Variants in KCNC1 observed in about 807,000 individuals in gnomAD.
The protein encoded by KCNC1 is potassium voltage-gated channel subfamily C member 1.
A neutral mutation model predicts 43.4 loss-of-function variants in KCNC1; 8 were observed. The observed-to-expected ratio is 0.18, with a 90% CI of 0.11 to 0.33. The LOEUF (loss-of-function observed/expected upper bound fraction) is 0.33. Ranked by LOEUF, KCNC1 falls within the 10% of genes least tolerant of loss-of-function variation. The pLI, the probability that KCNC1 is intolerant of heterozygous loss-of-function variation, is 1.00. For synonymous variants in KCNC1, 361 were observed against 360.5 expected, an observed-to-expected ratio of 1.00 and a Z score of -0.01; for missense variants, 420 against 836.0, an observed-to-expected ratio of 0.50 and a Z score of 6.14.
Position 17,771,891 on chromosome 11 carries a change from T to C in KCNC1, c.797T>C (p.Phe266Ser), listed in dbSNP as rs1362858407. ...TTCGAGTTCCTCATGCGTGTCATCTTCTGCCCCAACAAGGTAGAGTTCATC... is the reference window on the plus strand; with the variant it reads ...TTCGAGTTCCTCATGCGTGTCATCTCCTGCCCCAACAAGGTAGAGTTCATC... ...FTFEFLMRVI[F>S]CPNKVEFIKN... The change falls in exon 2 of 4, where the codon TTC (phenylalanine) becomes TCC (serine). Residue 266 changes from phenylalanine to serine, a missense_variant. By Grantham distance (155) the Phe-to-Ser change is radical (BLOSUM62 -2). Around this residue, in one of 5 missense-constraint regions of KCNC1, gnomAD observed 151 missense variants for 216.7 expected, o/e 0.70. Coordinates refer to ENST00000265969, the MANE Select transcript of KCNC1 (RefSeq NM_001112741.2). The surrounding 1 kb of genome is among the most constrained non-coding windows in gnomAD (Gnocchi z 4.7). 1 of 1,614,232 alleles carries C rather than the reference T, an allele frequency of 6.2e-7. No individual in the cohort carries two copies. The highest frequency in any genetic ancestry group is 8.5e-7 in the Non-Finnish European group (1 of 1,180,030).
chr11:17,780,902 T>C (rs982874260), intron 3 of KCNC1: 1 of 152,290 alleles, frequency 6.6e-6, no homozygotes, highest in Admixed American at 6.5e-5. Context: ...TGGTGCTGCA[T>C]GGCGGAGGGC....
chr11:17,775,217 T>G, intron 2 of KCNC1: 1 of 985,530 alleles, frequency 1.0e-6, no homozygotes, highest in Non-Finnish European at 1.2e-6. Context: ...AACCTGAGCT[T>G]CTCCAATTCC....
rs558662906 is a variant in KCNC1, at chr11:17,755,422, G to C, written c.571-16243G>C. On this transcript the variant is annotated intron_variant, in intron 1 of 3. Transcript: ENST00000265969. ...CAGTCCTAGCGCACCAGGAATGTTG[G>C]AACCTGGGAGACCAGTTAAGAGACT... 2.0e-5 allele frequency among the ~76,000 whole-genome samples: 3 copies of C among 152,222 alleles called. No homozygotes were observed. The South Asian group carries it at 6.2e-4, about 32-fold the overall frequency.
chr11:17,750,416 A>T (rs1001168842), intron 1 of KCNC1, among the ~76,000 whole-genome samples: 1 of 152,146 alleles, frequency 6.6e-6, no homozygotes, highest in Non-Finnish European at 1.5e-5. Context: ...GGTCAGAAAT[A>T]CCAGGCGCTG....
chr11:17,757,981 G>A (rs1849039779), intron 1 of KCNC1, among the ~76,000 whole-genome samples: 1 of 152,178 alleles, frequency 6.6e-6, no homozygotes, highest in Admixed American at 6.5e-5. Flanking sequence ...TGCATCAATT[G>A]ACTCTCCCTT....
chr11:17,750,548 G>C (rs1399802001), intron 1 of KCNC1, among the ~76,000 whole-genome samples: 1 of 152,140 alleles, frequency 6.6e-6, no homozygotes, highest in Admixed American at 6.5e-5. Context: ...AATCACAGTG[G>C]TTTGTGCTGG....
In KCNC1 at chr11:17,768,149, C is replaced by T. The variant is rs77899852; in HGVS notation, c.571-3516C>T. Among the ~76,000 whole-genome samples the T allele has an allele frequency of 5.7e-3, 869 of 152,276 alleles. 7 individuals carry two copies. Among genetic ancestry groups the T allele is most frequent in the African/African-American group, 0.019 (810 of 41,560 alleles). On this transcript the variant is annotated intron_variant, in intron 1 of 3. Transcript: ENST00000265969. ...CTCCCTGGGGTGCATTTAGAGACTCCTGGGGAACTCCCTTCAGTTGCTGTC... is the reference window on the plus strand; with the variant it reads ...CTCCCTGGGGTGCATTTAGAGACTCTTGGGGAACTCCCTTCAGTTGCTGTC...
At position 17,776,155 on chromosome 11, in the gene KCNC1, A is replaced by C. The variant is rs944137688; in HGVS notation, c.1505-3301A>C. 5 of 985,276 alleles carry C rather than the reference A, an allele frequency of 5.1e-6. No individual in the cohort carries two copies. In the African/African-American group the frequency reaches 8.7e-5, roughly 17 times the overall value. 61.0% of individuals were successfully genotyped at this position (985,276 alleles called of 1,614,324 possible). Reference sequence around the variant, plus strand: ...AATGAAGTGACGCCAGGGGCCAGGCATGGGTGTTCTTTTCCGTGTTGTTCA... The same window carrying C: ...AATGAAGTGACGCCAGGGGCCAGGCCTGGGTGTTCTTTTCCGTGTTGTTCA... On this transcript the variant is annotated intron_variant, in intron 2 of 3. Transcript: ENST00000265969. This position sits in a 1 kb window ranked among gnomAD's most constrained non-coding sequence, Gnocchi z 4.4.
At position 17,742,267 on chromosome 11, in the gene KCNC1, C is replaced by A. The variant is rs1164072074; in HGVS notation, c.570+5695C>A. Among the ~76,000 whole-genome samples the A allele has an allele frequency of 6.6e-6, 1 of 151,816 alleles. No homozygotes were observed. On this transcript the variant is annotated intron_variant, in intron 1 of 3. Transcript: ENST00000265969. The surrounding 1 kb of genome is among the most constrained non-coding windows in gnomAD (Gnocchi z 4.2). ...CTCTGAGCAGGAGGCCTGGCCTCTG[C>A]CAGAAGCTTTGGAGGGGATTGGCTG...
rs1204958053 is a variant in KCNC1 at position 17,735,171 on chromosome 11, T to A, written c.-832T>A. On this transcript the variant is annotated 5_prime_UTR_variant, in exon 1 of 4. Transcript: ENST00000265969. The surrounding 1 kb of genome is among the most constrained non-coding windows in gnomAD (Gnocchi z 6.7). ...GAGCGCAGCCCAGCGGAACCCCAGC[T>A]CGAGCCCGGGCTCACGGAGAGCAGC... 6.6e-6 allele frequency: 1 copy of A among 151,590 alleles called. No individual in the cohort carries two copies. The allele number at this position is 151,590 out of a possible 1,614,324, so 9.4% of individuals were successfully genotyped here.
At position 17,771,629 on chromosome 11, in the gene KCNC1, G is replaced by T; in HGVS notation, c.571-36G>T. 1 of 1,559,316 alleles carries T rather than the reference G, an allele frequency of 6.4e-7. No individual in the cohort carries two copies. The highest frequency in any genetic ancestry group is 8.7e-7 in the Non-Finnish European group (1 of 1,143,688). On this transcript the variant is annotated intron_variant, in intron 1 of 3. Coordinates refer to ENST00000265969, the MANE Select transcript of KCNC1 (RefSeq NM_001112741.2). The surrounding 1 kb of genome is among the most constrained non-coding windows in gnomAD (Gnocchi z 4.7). Reference sequence around the variant, plus strand: ...CAACCCAGGCTTCTCCACTCTGGGTGGGCCTCCCTCTGACACTGTGTCTTT... The same window carrying T: ...CAACCCAGGCTTCTCCACTCTGGGTTGGCCTCCCTCTGACACTGTGTCTTT...
chr11:17,781,973 G>A lies in KCNC1; in HGVS notation c.*239G>A, dbSNP rs1453951172. On this transcript the variant is annotated 3_prime_UTR_variant, in exon 4 of 4. Coordinates refer to ENST00000265969, the MANE Select transcript of KCNC1 (RefSeq NM_001112741.2). This position sits in a 1 kb window ranked among gnomAD's most constrained non-coding sequence, Gnocchi z 5.1. ...ATTTTATTTTATTTGGGGAGGGGGG[G>A]TGGAGGGGCTCCTTAGCATGACTTG... 3 of 448,310 alleles carry A rather than the reference G, an allele frequency of 6.7e-6. No individual in the cohort carries two copies. Among genetic ancestry groups the A allele is most frequent in the East Asian group, 3.5e-5 (1 of 28,500 alleles). 27.8% of individuals were successfully genotyped at this position (448,310 alleles called of 1,614,324 possible).
Position 17,771,736 on chromosome 11 carries a change from C to G in KCNC1, c.642C>G (p.Arg214=). The change falls in exon 2 of 4, where the codon CGC becomes CGG. Residue 214 remains arginine (R), a synonymous_variant. Transcript: ENST00000265969. The surrounding 1 kb of genome is among the most constrained non-coding windows in gnomAD (Gnocchi z 4.7). ...ITTFCLETHE[R]FNPIVNKTEI... ...CCTTCTGCCTGGAGACCCACGAGCGCTTCAACCCCATCGTGAACAAGACGG... is the reference window on the plus strand; with the variant it reads ...CCTTCTGCCTGGAGACCCACGAGCGGTTCAACCCCATCGTGAACAAGACGG... The G allele has an allele frequency of 6.2e-7, 1 of 1,614,184 alleles. No individual in the cohort carries two copies. Among genetic ancestry groups the G allele is most frequent in the Non-Finnish European group, 8.5e-7 (1 of 1,179,978 alleles).
rs1447784331 is a variant in KCNC1, at chr11:17,773,688, C to G, written c.1504+1090C>G. 1.0e-6 allele frequency: 1 copy of G among 985,266 alleles called. No individual in the cohort carries two copies. Among genetic ancestry groups the G allele is most frequent in the Non-Finnish European group, 1.2e-6 (1 of 829,926 alleles). 61.0% of individuals were successfully genotyped at this position (985,266 alleles called of 1,614,324 possible). A position where few individuals can be genotyped will look rare whatever the true frequency, so the allele number is the denominator to read the frequency against. On this transcript the variant is annotated intron_variant, in intron 2 of 3. Coordinates refer to ENST00000265969, the MANE Select transcript of KCNC1 (RefSeq NM_001112741.2). This position sits in a 1 kb window ranked among gnomAD's most constrained non-coding sequence, Gnocchi z 4.1. ...CCTGCACATAGCACATAAAGTTGATCATGGGGCTCTGGTCCGAAGATATAA... is the reference window on the plus strand; with the variant it reads ...CCTGCACATAGCACATAAAGTTGATGATGGGGCTCTGGTCCGAAGATATAA...
chr11:17,748,934 G>A (rs980696747), intron 1 of KCNC1, among the ~76,000 whole-genome samples: 10 of 152,172 alleles, frequency 6.6e-5, no homozygotes, highest in Admixed American at 1.3e-4. Flanking sequence ...AGCTGGGTGT[G>A]GGGCTGGAGA....
intron 3 of KCNC1, chr11:17,780,594 T>G (rs1273404646): frequency 6.6e-6 from 1 of 152,400 alleles, no homozygotes; most frequent in East Asian, 1.9e-4. Context: ...GGATGCATGC[T>G]GAACGGGGTG....
At chr11:17,767,145 A>C (rs1849159646) in intron 1 of KCNC1, among the ~76,000 whole-genome samples, 1 of 149,816 alleles carries the variant, frequency 6.7e-6, no homozygotes, top group Non-Finnish European at 1.5e-5. Flanking sequence ...AAAAAAAAAA[A>C]ATTAGCCGGC....
chr11:17,772,955 A>G lies in KCNC1; in HGVS notation c.1504+357A>G, dbSNP rs1348703918. ...CCGGTGTGAGTCTCTGACTCAGGCT[A>G]CTGACCCGGTGTTGGGACAGAGTGG... On this transcript the variant is annotated intron_variant, in intron 2 of 3. Transcript: ENST00000265969. The G allele has an allele frequency of 2.6e-6, 3 of 1,152,020 alleles. No homozygotes were observed. The African/African-American group carries it at 4.8e-5, about 18-fold the overall frequency. The allele number at this position is 1,152,020 out of a possible 1,614,324, so 71.4% of individuals were successfully genotyped here. A position where few individuals can be genotyped will look rare whatever the true frequency, so the allele number is the denominator to read the frequency against.
Position 17,777,153 on chromosome 11 carries a change from G to T in KCNC1, c.1505-2303G>T. The T allele has an allele frequency of 1.9e-5, 19 of 984,860 alleles. No individual in the cohort carries two copies. The highest frequency in any genetic ancestry group is 2.3e-5 in the Non-Finnish European group (19 of 829,740). The allele number at this position is 984,860 out of a possible 1,614,324, so 61.0% of individuals were successfully genotyped here. ...AGCTGGGAGCCCCCAGGGCCTGGGGGCTTGTGGACAGAACCAGTGGGCGGG... is the reference window on the plus strand; with the variant it reads ...AGCTGGGAGCCCCCAGGGCCTGGGGTCTTGTGGACAGAACCAGTGGGCGGG... On this transcript the variant is annotated intron_variant, in intron 2 of 3. Transcript: ENST00000265969. The surrounding 1 kb of genome is among the most constrained non-coding windows in gnomAD (Gnocchi z 4.3).
Sources: gnomAD v4.1 joint callset for allele counts (sites outside exome capture counted in the v4.1 genomes callset) on GRCh38, gnomAD v4.1.1 for gene constraint, gnomAD v4.1.1 regional missense constraint, Gnocchi (gnomAD v3.1) non-coding constraint, MANE v1.5 for transcripts, NCBI Gene and HGNC (gene_info 2026-07-23, HGNC 2026-07-21) for gene names.